PNLDC1: variants seen among roughly 807,000 people sequenced by gnomAD.
PNLDC1 encodes the protein PARN like ribonuclease domain containing exonuclease 1, also known as poly(A)-specific ribonuclease PNLDC1.
Under a neutral mutation model 82.0 loss-of-function variants are expected in PNLDC1, and 70 were observed. That is an observed-to-expected ratio of 0.85 (90% CI 0.70 to 1.04). The LOEUF (loss-of-function observed/expected upper bound fraction) is 1.04. Among genes scored for constraint, PNLDC1 ranks in the 50% least tolerant of loss-of-function variants. PNLDC1 has a pLI of 0.00. For synonymous variants in PNLDC1, 280 were observed against 249.3 expected (o/e 1.12, Z -1.16); for missense variants, 631 against 661.1 (o/e 0.95, Z 0.50).
rs1451939918 is a variant in PNLDC1, at chr6:159,800,445, G to T, written c.76+62G>T. On this transcript the variant is annotated intron_variant, in intron 1 of 18. Coordinates refer to ENST00000392167, the MANE Select transcript of PNLDC1 (RefSeq NM_001271862.2). ...GCCCCTTGCCCCGGGCGAGCTTGAG[G>T]AGGGGGTGGCGGGACGGTTGCCAGG... The T allele has an allele frequency of 5.3e-6, 8 of 1,506,286 alleles. No individual in the cohort carries two copies. In the East Asian group the frequency reaches 2.0e-4, roughly 37 times the overall value. 93.3% of individuals were successfully genotyped at this position (1,506,286 alleles called of 1,614,324 possible). A position where few individuals can be genotyped will look rare whatever the true frequency, so the allele number is the denominator to read the frequency against.
intron 3 of PNLDC1, 107 bp downstream of exon 3, chr6:159,801,293 G>C: frequency 9.3e-7 from 1 of 1,071,102 alleles, no homozygotes; most frequent in Non-Finnish European, 1.4e-6. Context: ...ATTGAGTATC[G>C]TTTTGTATGC....
chr6:159,806,344 T>C lies in PNLDC1; in HGVS notation c.562+261T>C, dbSNP rs150276215. Among the ~76,000 whole-genome samples the C allele has an allele frequency of 7.8e-3, 1,181 of 152,340 alleles. 11 individuals are homozygous for C. The highest frequency in any genetic ancestry group is 0.026 in the African/African-American group (1,080 of 41,562). On this transcript the variant is annotated intron_variant, in intron 7 of 18. Transcript: ENST00000392167. ...TCCATTCCTGAGCCATTCCTTTTAT[T>C]TCAGTCCTGGGTGCCCTGTATTATC...
rs1403633423 is a variant in PNLDC1, at chr6:159,820,660, A to G, written c.*143A>G. 1.3e-6 allele frequency: 1 copy of G among 752,374 alleles called. No individual in the cohort carries two copies. The highest frequency in any genetic ancestry group is 2.3e-6 in the Non-Finnish European group (1 of 442,846). The allele number at this position is 752,374 out of a possible 1,614,324, so 46.6% of individuals were successfully genotyped here. ...AATTCTGTTATGTCCTGAACGTGAAATTCTGTCAACACTCTCAATGATAAA... is the reference window on the plus strand; with the variant it reads ...AATTCTGTTATGTCCTGAACGTGAAGTTCTGTCAACACTCTCAATGATAAA... On this transcript the variant is annotated 3_prime_UTR_variant, in exon 19 of 19. Coordinates refer to ENST00000392167, the MANE Select transcript of PNLDC1 (RefSeq NM_001271862.2).
intron 7 of PNLDC1, among the ~76,000 whole-genome samples, 193 bp from the exon 8 acceptor site, chr6:159,808,547 A>AAC (rs398048966): frequency 6.7e-6 from 1 of 150,134 alleles, no homozygotes; most frequent in Non-Finnish European, 1.5e-5. Context: ...AAAAAAAAAA[A>AAC]CTCTTAGAAT....
intron 2 of PNLDC1, 64 bp downstream of exon 2, chr6:159,800,893 G>A (rs1781224986): frequency 6.2e-7 from 1 of 1,607,166 alleles, no homozygotes; most frequent in Non-Finnish European, 8.5e-7. Flanking sequence ...TTTCTGGCCA[G>A]CAGCCTGTTG....
rs1781190924 is a variant in PNLDC1 at position 159,800,319 on chromosome 6, C to T, written c.12C>T (p.Gly4=). The change falls in exon 1 of 19, where the codon GGC becomes GGT. Residue 4 remains glycine (G), a synonymous_variant. Transcript: ENST00000392167. MDV[G]ADEFEESLPL... is the part of the protein sequence containing the mutation. Reference sequence around the variant, plus strand: ...GGAGCTGCACGGCCATGGACGTGGGCGCCGACGAGTTCGAGGAGAGCCTCC... The same window carrying T: ...GGAGCTGCACGGCCATGGACGTGGGTGCCGACGAGTTCGAGGAGAGCCTCC... The T allele has an allele frequency of 1.3e-6, 2 of 1,547,696 alleles. No homozygotes were observed. Among genetic ancestry groups the T allele is most frequent in the Admixed American group, 2.0e-5 (1 of 50,974 alleles).
At chr6:159,801,750 ATTTT>A (rs113437378) in intron 3 of PNLDC1, among the ~76,000 whole-genome samples, 3 of 149,634 alleles carry the variant, frequency 2.0e-5, no homozygotes, top group African/African-American at 7.4e-5. Context: ...CTGGCCTGTG[ATTTT>A]TTTTTCTTAA....
chr6:159,819,030 C>G lies in PNLDC1; in HGVS notation c.1342C>G (p.Gln448Glu). ...VKRWPGVSEQ[Q>E]VYHKFQNLCK... ...AAGGTGGCCTGGGGTCAGCGAGCAG[C>G]AAGTCTACCATAAGTTTCAGAATCT... Residue 448 changes from glutamine to glutamate, a missense_variant, in exon 17 of 19, where the codon CAA becomes GAA. By Grantham distance (29) the Gln-to-Glu change is conservative. Coordinates refer to ENST00000392167, the MANE Select transcript of PNLDC1 (RefSeq NM_001271862.2). The surrounding 1 kb of genome is among the most constrained non-coding windows in gnomAD (Gnocchi z 4.6). The G allele has an allele frequency of 6.2e-7, 1 of 1,614,034 alleles. No individual in the cohort carries two copies. Among genetic ancestry groups the G allele is most frequent in the African/African-American group, 1.3e-5 (1 of 75,030 alleles).
intron 11 of PNLDC1, 107 bp from the exon 12 acceptor site, chr6:159,813,493 AG>A: frequency 1.1e-6 from 1 of 907,686 alleles, no homozygotes; most frequent in Non-Finnish European, 1.8e-6. Flanking sequence ...AGGAGGTTGT[AG>A]GAGTGAGCAT....
Position 159,818,538 on chromosome 6 carries a change from GTT to G in PNLDC1, c.1158-14_1158-13del. The G allele has an allele frequency of 6.2e-7, 1 of 1,611,394 alleles. No homozygotes were observed. Among genetic ancestry groups the G allele is most frequent in the Non-Finnish European group, 8.5e-7 (1 of 1,178,344 alleles). ...CTTCTGTGCGCCCGACAGCTTTGGG[GTT>G]TTCTGTCCTTGCAGCATCGACCCCG... is the stretch of plus-strand genomic sequence containing the variant. On this transcript the variant is annotated splice_polypyrimidine_tract_variant and intron_variant, in intron 15 of 18. Coordinates refer to ENST00000392167, the MANE Select transcript of PNLDC1 (RefSeq NM_001271862.2).
intron 7 of PNLDC1, among the ~76,000 whole-genome samples, chr6:159,806,545 C>G (rs1490173324): frequency 6.6e-6 from 1 of 152,164 alleles, no homozygotes; most frequent in African/African-American, 2.4e-5. Flanking sequence ...GCTGTACTTG[C>G]TATTGTCATT....
intron 12 of PNLDC1, 132 bp downstream of exon 12, chr6:159,813,788 C>G (rs1202332213): frequency 2.7e-6 from 2 of 746,356 alleles, no homozygotes; most frequent in African/African-American, 1.7e-5. Flanking sequence ...TCTCCTCCAG[C>G]TCCTCCTGCT....
chr6:159,803,512 C>G, intron 4 of PNLDC1: 1 of 599,066 alleles, frequency 1.7e-6, no homozygotes. Context: ...ACCTTTCCCG[C>G]CAGCCTTGCT....
Position 159,820,541 on chromosome 6 carries a change from ACCCTC to A in PNLDC1, c.*25_*29del. 1 of 1,611,246 alleles carries A rather than the reference ACCCTC, an allele frequency of 6.2e-7. No homozygotes were observed. Among genetic ancestry groups the A allele is most frequent in the South Asian group, 1.1e-5 (1 of 91,014 alleles). On this transcript the variant is annotated 3_prime_UTR_variant, in exon 19 of 19. Coordinates refer to ENST00000392167, the MANE Select transcript of PNLDC1 (RefSeq NM_001271862.2). ...GAGTGCAGCGAGGCCTCCTGCGGCCACCCTCGGGTCCCCATGCTCTCTGGGAGGTG... is the reference window on the plus strand; with the variant it reads ...GAGTGCAGCGAGGCCTCCTGCGGCCAGGGTCCCCATGCTCTCTGGGAGGTG...
intron 2 of PNLDC1, 59 bp from the exon 3 acceptor site, chr6:159,801,054 G>A: frequency 6.4e-7 from 1 of 1,573,574 alleles, no homozygotes; most frequent in Non-Finnish European, 8.7e-7. Context: ...TGCCGCGGAG[G>A]CCATAGTGCC....
chr6:159,811,745 G>A lies in PNLDC1; in HGVS notation c.898G>A (p.Val300Ile). 2.5e-6 allele frequency: 4 copies of A among 1,613,748 alleles called. No individual in the cohort carries two copies. In the South Asian group the frequency reaches 4.4e-5, roughly 18 times the overall value. Residue 300 changes from valine to isoleucine, a missense_variant, in exon 11 of 19, where the codon GTT (valine) becomes ATT (isoleucine). Transcript: ENST00000392167. The stretch of plus-strand genomic sequence containing the variant: ...GCAGAATATCCACAGCCTATTTCCT[G>A]TTCTCATTGATACCAAGAGTGTAAC... ...FKQNIHSLFP[V>I]LIDTKSVTKD...
intron 1 of PNLDC1, 66 bp from the exon 2 acceptor site, chr6:159,800,706 C>G (rs750169426): frequency 1.2e-6 from 2 of 1,614,096 alleles, no homozygotes; most frequent in African/African-American, 1.3e-5. Flanking sequence ...GCCTGCAGAT[C>G]TACAGTGTGA....
At chr6:159,804,167 AG>A in intron 5 of PNLDC1, 79 bp downstream of exon 5, 1 of 1,519,754 alleles carries the variant, frequency 6.6e-7, no homozygotes, top group East Asian at 2.3e-5. Flanking sequence ...CCCAGGCTGG[AG>A]TGCAGTGGTG....
intron 10 of PNLDC1, 142 bp downstream of exon 10, chr6:159,810,237 G>A: frequency 1.4e-6 from 1 of 718,452 alleles, no homozygotes; most frequent in Non-Finnish European, 2.4e-6. Flanking sequence ...AGTTTGGGCA[G>A]AGGCCTGTAC....
Sources: gnomAD v4.1 joint callset for allele counts (sites outside exome capture counted in the v4.1 genomes callset) on GRCh38, gnomAD v4.1.1 for gene constraint, Gnocchi (gnomAD v3.1) non-coding constraint, MANE v1.5 for transcripts, NCBI Gene and HGNC (gene_info 2026-07-23, HGNC 2026-07-21) for gene names.